Variants in DPYD observed in about 807,000 individuals in gnomAD.
DPYD encodes dihydropyrimidine dehydrogenase.
A neutral mutation model predicts 116.2 loss-of-function variants in DPYD; 109 were observed. The ratio of observed to expected loss-of-function variants is 0.94; its 90% CI spans 0.80 to 1.10. The LOEUF (loss-of-function observed/expected upper bound fraction) is 1.10, where lower values mean the gene tolerates loss of function less well. Ranked by LOEUF, DPYD falls within the 50% of genes least tolerant of loss-of-function variation. DPYD has a pLI of 0.00. For synonymous variants in DPYD, 440 were observed against 432.0 expected (o/e 1.02, Z -0.23); for missense variants, 1,302 against 1,254.5 (o/e 1.04, Z -0.57).
chr1:97,558,786 A>C (rs1382611913), intron 11 of DPYD, among the ~76,000 whole-genome samples: 4 of 152,198 alleles, frequency 2.6e-5, no homozygotes, highest in Non-Finnish European at 5.9e-5. Context: ...ATTCAGAATT[A>C]AAATAGTCCA....
chr1:97,238,933 C>T (rs1246460094), intron 18 of DPYD, among the ~76,000 whole-genome samples: 2 of 152,108 alleles, frequency 1.3e-5, no homozygotes, highest in Non-Finnish European at 2.9e-5. Context: ...TGGAATCCTC[C>T]AATAAAAATC....
At chr1:97,546,398 G>T (rs751868217) in intron 12 of DPYD, 48 of 1,495,260 alleles carry the variant, frequency 3.2e-5, no homozygotes, top group Non-Finnish European at 4.1e-5. Flanking sequence ...TCAGATAAGG[G>T]CAGTGATTCT....
intron 14 of DPYD, among the ~76,000 whole-genome samples, chr1:97,446,286 T>G (rs1023230254): frequency 6.6e-6 from 1 of 152,212 alleles, no homozygotes; most frequent in African/African-American, 2.4e-5. Flanking sequence ...TGTAACCCTA[T>G]GAATTTTGTT....
At chr1:97,256,906 T>C (rs1663515540) in intron 18 of DPYD, among the ~76,000 whole-genome samples, 1 of 152,108 alleles carries the variant, frequency 6.6e-6, no homozygotes, top group South Asian at 2.1e-4. Context: ...CATATCCTTG[T>C]CCACAAACCA....
At chr1:97,183,050 A>AT (rs938051139) in intron 20 of DPYD, among the ~76,000 whole-genome samples, 7 of 151,780 alleles carry the variant, frequency 4.6e-5, no homozygotes, top group African/African-American at 1.2e-4. Flanking sequence ...TAATTCATCT[A>AT]TTTTTTCTTG....
At chr1:97,125,864 T>A (rs1178774846) in intron 20 of DPYD, among the ~76,000 whole-genome samples, 1 of 152,148 alleles carries the variant, frequency 6.6e-6, no homozygotes, top group African/African-American at 2.4e-5. Flanking sequence ...TAAGCCTGAT[T>A]TATAATATTT....
intron 8 of DPYD, among the ~76,000 whole-genome samples, chr1:97,648,665 A>C (rs1050301555): frequency 6.6e-6 from 1 of 152,166 alleles, no homozygotes. Context: ...AATAATAGCT[A>C]ACACATGTTA....
chr1:97,441,762 CT>C (rs1350485131), intron 14 of DPYD, among the ~76,000 whole-genome samples: 1 of 151,918 alleles, frequency 6.6e-6, no homozygotes, highest in Non-Finnish European at 1.5e-5. Context: ...TGAATCCTAC[CT>C]TTTTTGGTGC....
chr1:97,874,415 T>C (rs1430583532), intron 2 of DPYD, among the ~76,000 whole-genome samples: 2 of 151,880 alleles, frequency 1.3e-5, no homozygotes, highest in Non-Finnish European at 2.9e-5. Flanking sequence ...CCACTTATGT[T>C]TACATAATTT....
At chr1:97,809,667 G>A (rs1668252805) in intron 3 of DPYD, among the ~76,000 whole-genome samples, 1 of 152,178 alleles carries the variant, frequency 6.6e-6, no homozygotes, top group South Asian at 2.1e-4. Context: ...CAGGATAGCT[G>A]AGGTACCATG....
intron 13 of DPYD, among the ~76,000 whole-genome samples, chr1:97,464,213 T>G (rs1199300076): frequency 1.3e-5 from 2 of 149,090 alleles, no homozygotes; most frequent in African/African-American, 5.0e-5. Context: ...CACTCCAGCC[T>G]GGGCAACAGA....
intron 13 of DPYD, among the ~76,000 whole-genome samples, chr1:97,451,129 A>G (rs1676391522): frequency 6.6e-6 from 1 of 152,156 alleles, no homozygotes; most frequent in Admixed American, 6.5e-5. Context: ...ATTAGTATAT[A>G]GCAATTAAGG....
chr1:97,124,571 T>C lies in DPYD; in HGVS notation c.2623-25939A>G, dbSNP rs1253889485. ...TTATTTCTTTTAACATGCTTTAGTG[T>C]CTACAAAGGATGAAAGAATATAGAC... On this transcript the variant is annotated intron_variant, in intron 20 of 22. Coordinates refer to ENST00000370192, the MANE Select transcript of DPYD (RefSeq NM_000110.4). Among the ~76,000 whole-genome samples the C allele has an allele frequency of 2.6e-5, 4 of 152,258 alleles. No individual in the cohort carries two copies. In the East Asian group the frequency reaches 7.7e-4, roughly 29 times the overall value.
In DPYD at chr1:97,810,821, G is replaced by A. The variant is rs374710973; in HGVS notation, c.233+17293C>T. Among the ~76,000 whole-genome samples the A allele has an allele frequency of 5.5e-4, 83 of 152,124 alleles. No homozygotes were observed. The East Asian group carries it at 8.7e-3, about 16-fold the overall frequency. On this transcript the variant is annotated intron_variant, in intron 3 of 22. Transcript: ENST00000370192. The stretch of plus-strand genomic sequence containing the variant: ...TATTTTACATACTTACCTAGTATAC[G>A]AAATACTCCTAGTATAGAGAGTATT...
intron 7 of DPYD, chr1:97,691,496 G>T (rs1462740500): frequency 2.1e-6 from 1 of 481,490 alleles, no homozygotes; most frequent in East Asian, 3.6e-5. Context: ...TCACATGCAG[G>T]CATGCCAGAT....
At chr1:97,391,290 T>C (rs1446104489) in intron 14 of DPYD, among the ~76,000 whole-genome samples, 2 of 152,016 alleles carry the variant, frequency 1.3e-5, no homozygotes, top group African/African-American at 4.8e-5. Context: ...CGTTAGCACT[T>C]AATTTCCATT....
intron 14 of DPYD, among the ~76,000 whole-genome samples, chr1:97,447,025 T>C (rs1450986244): frequency 1.3e-5 from 2 of 152,138 alleles, no homozygotes; most frequent in African/African-American, 4.8e-5. Context: ...AATTCAGAGA[T>C]GAGCCCTCAC....
At chr1:97,227,507 C>G (rs923986302) in intron 19 of DPYD, among the ~76,000 whole-genome samples, 37 of 151,758 alleles carry the variant, frequency 2.4e-4, no homozygotes, top group African/African-American at 9.0e-4. Context: ...ATTAAAATAG[C>G]TCACATAACC....
chr1:97,705,935 T>C (rs1661919885), intron 5 of DPYD, among the ~76,000 whole-genome samples: 1 of 152,132 alleles, frequency 6.6e-6, no homozygotes, highest in South Asian at 2.1e-4. Context: ...ATGTCTTCTT[T>C]TGAGAAGTGT....
Sources: gnomAD v4.1 joint callset for allele counts (sites outside exome capture counted in the v4.1 genomes callset) on GRCh38, gnomAD v4.1.1 for gene constraint, MANE v1.5 for transcripts, NCBI Gene and HGNC (gene_info 2026-07-23, HGNC 2026-07-21) for gene names.